The following NKAIN3 variants were observed in gnomAD, a reference collection of about 807,000 sequenced individuals.
The protein encoded by NKAIN3 is sodium/potassium-transporting ATPase subunit beta-1-interacting protein 3.
NKAIN3 carries 25 observed loss-of-function variants against 30.2 expected under a neutral mutation model. The observed-to-expected ratio is 0.83, with a 90% CI of 0.60 to 1.16. The LOEUF (loss-of-function observed/expected upper bound fraction) is 1.16. Ranked by LOEUF, NKAIN3 falls within the 50% of genes most tolerant of loss-of-function variation. The pLI, the probability that NKAIN3 is intolerant of heterozygous loss-of-function variation, is 0.00. For missense variants in NKAIN3, 225 were observed against 254.1 expected (o/e 0.89, Z 0.78); for synonymous variants, 91 against 89.6 (o/e 1.02, Z -0.09).
intron 3 of NKAIN3, among the ~76,000 whole-genome samples, chr8:62,660,850 G>C (rs944212184): frequency 3.3e-5 from 5 of 152,224 alleles, no homozygotes; most frequent in Admixed American, 1.3e-4. Flanking sequence ...AATGTGAGCA[G>C]CTGCCAAGCT....
chr8:62,923,592 T>A (rs1211247527), intron 5 of NKAIN3, among the ~76,000 whole-genome samples: 1 of 152,190 alleles, frequency 6.6e-6, no homozygotes, highest in African/African-American at 2.4e-5. Context: ...AAACATCCAC[T>A]GTACCACGTC....
chr8:62,297,929 T>A (rs1813893649), intron 1 of NKAIN3, among the ~76,000 whole-genome samples: 1 of 152,058 alleles, frequency 6.6e-6, no homozygotes, highest in South Asian at 2.1e-4. Context: ...AACCCAAATG[T>A]CCAACAATGA....
intron 1 of NKAIN3, among the ~76,000 whole-genome samples, chr8:62,388,628 G>A (rs1191230514): frequency 1.3e-5 from 2 of 152,132 alleles, no homozygotes; most frequent in Non-Finnish European, 2.9e-5. Flanking sequence ...GATCTAAAAC[G>A]ACCATGTTTA....
At position 62,979,776 on chromosome 8, in the gene NKAIN3, G is replaced by C. The variant is rs1486902987; in HGVS notation, c.*14369G>C. 1 of 152,244 alleles carries C rather than the reference G, an allele frequency of 6.6e-6. No homozygotes were observed. The highest frequency in any genetic ancestry group is 1.5e-5 in the Non-Finnish European group (1 of 68,066). The allele number at this position is 152,244 out of a possible 1,614,324, so 9.4% of individuals were successfully genotyped here. A position where few individuals can be genotyped will look rare whatever the true frequency, so the allele number is the denominator to read the frequency against. ...ACTTGGTGGCCATCAGCTGTAACAA[G>C]TCCTGACTAGACAAGGGCTTTGTTG... On this transcript the variant is annotated 3_prime_UTR_variant, in exon 7 of 7. Transcript: ENST00000623646.
At chr8:62,860,369 A>C (rs1820202957) in intron 4 of NKAIN3, among the ~76,000 whole-genome samples, 1 of 152,216 alleles carries the variant, frequency 6.6e-6, no homozygotes, top group African/African-American at 2.4e-5. Flanking sequence ...TCTTGCATGT[A>C]AAATGAAATC....
At chr8:62,488,732 A>G (rs1342288374) in intron 1 of NKAIN3, among the ~76,000 whole-genome samples, 2 of 152,218 alleles carry the variant, frequency 1.3e-5, no homozygotes. Context: ...GCTGCTACTA[A>G]TAGAAAAATA....
At chr8:62,510,374 C>G (rs1019943821) in intron 1 of NKAIN3, among the ~76,000 whole-genome samples, 2 of 152,068 alleles carry the variant, frequency 1.3e-5, no homozygotes, top group Non-Finnish European at 2.9e-5. Context: ...TTGTTCAGGG[C>G]CAGCTTTGTC....
chr8:62,921,694 T>C (rs750473999), intron 5 of NKAIN3, among the ~76,000 whole-genome samples: 1 of 152,196 alleles, frequency 6.6e-6, no homozygotes, highest in African/African-American at 2.4e-5. Context: ...CCATTTTTCA[T>C]TGCTTTTAAA....
chr8:62,741,882 C>G (rs1437558276), intron 3 of NKAIN3, among the ~76,000 whole-genome samples: 2 of 152,118 alleles, frequency 1.3e-5, no homozygotes, highest in African/African-American at 2.4e-5. Context: ...CCTTAACATG[C>G]TGTCTTGTCT....
intron 4 of NKAIN3, among the ~76,000 whole-genome samples, chr8:62,777,491 G>C (rs1331809136): frequency 6.6e-6 from 1 of 152,012 alleles, no homozygotes; most frequent in Non-Finnish European, 1.5e-5. Flanking sequence ...AGAGTCTGAT[G>C]CATTCATCCA....
chr8:62,828,324 T>C (rs1004343168), intron 4 of NKAIN3, among the ~76,000 whole-genome samples: 1 of 152,126 alleles, frequency 6.6e-6, no homozygotes, highest in Non-Finnish European at 1.5e-5. Context: ...TTGAGCCTAG[T>C]TGTAATATGG....
intron 3 of NKAIN3, among the ~76,000 whole-genome samples, chr8:62,663,736 A>T (rs1038694600): frequency 3.9e-5 from 6 of 152,172 alleles, no homozygotes; most frequent in Non-Finnish European, 8.8e-5. Context: ...TTTTTCCGAT[A>T]GGCTCACAAA....
chr8:62,716,627 TA>T (rs1419961400), intron 3 of NKAIN3, among the ~76,000 whole-genome samples: 4 of 152,044 alleles, frequency 2.6e-5, no homozygotes, highest in African/African-American at 7.3e-5. Context: ...TAAAGTAGGT[TA>T]AAAAATACAT....
In NKAIN3 at chr8:62,976,173, G is replaced by A. The variant is rs929950887; in HGVS notation, c.*10766G>A. On this transcript the variant is annotated 3_prime_UTR_variant, in exon 7 of 7. Transcript: ENST00000623646. The stretch of plus-strand genomic sequence containing the variant: ...AATGTATATTCTGTTGATTTGGGGT[G>A]GAGAGTTCTGTAGATATCTATTAGG... Among the ~76,000 whole-genome samples, 1 of 152,004 alleles carries A rather than the reference G, an allele frequency of 6.6e-6. No individual in the cohort carries two copies. Among genetic ancestry groups the A allele is most frequent in the Non-Finnish European group, 1.5e-5 (1 of 67,994 alleles).
At chr8:62,732,049 A>G (rs1294016148) in intron 3 of NKAIN3, among the ~76,000 whole-genome samples, 1 of 152,096 alleles carries the variant, frequency 6.6e-6, no homozygotes, top group East Asian at 1.9e-4. Context: ...GTATGTGTGT[A>G]TAGTACCAGA....
intron 3 of NKAIN3, among the ~76,000 whole-genome samples, chr8:62,699,290 A>G (rs928467060): frequency 6.6e-6 from 1 of 152,256 alleles, no homozygotes; most frequent in Non-Finnish European, 1.5e-5. Context: ...GCATTATTAT[A>G]AAGCACACTG....
At chr8:62,384,278 G>A (rs751092070) in intron 1 of NKAIN3, among the ~76,000 whole-genome samples, 1 of 152,114 alleles carries the variant, frequency 6.6e-6, no homozygotes, top group Non-Finnish European at 1.5e-5. Flanking sequence ...TAGTGCAGTA[G>A]TTAATATAGT....
intron 4 of NKAIN3, among the ~76,000 whole-genome samples, chr8:62,851,329 T>C (rs1276101131): frequency 6.6e-6 from 1 of 152,204 alleles, no homozygotes; most frequent in Non-Finnish European, 1.5e-5. Context: ...TTTGCTGAAG[T>C]TGCCTATCAG....
At chr8:62,478,020 A>C (rs1180477291) in intron 1 of NKAIN3, among the ~76,000 whole-genome samples, 1 of 152,168 alleles carries the variant, frequency 6.6e-6, no homozygotes, top group Non-Finnish European at 1.5e-5. Flanking sequence ...CTGTTCTTAA[A>C]AGGGCACTAA....
Sources: allele counts gnomAD v4.1 joint callset (sites outside exome capture counted in the v4.1 genomes callset), GRCh38; gene constraint gnomAD v4.1.1; transcripts MANE v1.5; gene names NCBI Gene and HGNC (gene_info 2026-07-23, HGNC 2026-07-21).